Variants in RHEB observed in about 807,000 individuals in gnomAD.
The protein encoded by RHEB is Ras homolog, mTORC1 binding, also known as GTP-binding protein Rheb.
RHEB carries 2 observed loss-of-function variants against 28.8 expected under a neutral mutation model. That is an observed-to-expected ratio of 0.07 (90% CI 0.03 to 0.22). The LOEUF is 0.22. Ranked by LOEUF, RHEB falls within the 10% of genes least tolerant of loss-of-function variation. The pLI is 1.00. For synonymous variants in RHEB, 69 were observed against 77.3 expected (o/e 0.89, Z 0.56); for missense variants, 76 against 219.9 (o/e 0.35, Z 4.14).
At chr7:151,492,838 A>ATTTTTTTTT (rs538597333) in intron 1 of RHEB, among the ~76,000 whole-genome samples, 1 of 125,184 alleles carries the variant, frequency 8.0e-6, no homozygotes, top group Admixed American at 8.9e-5. Context: ...AATTCTCAAC[A>ATTTTTTTTT]TTTTTTTTTT....
chr7:151,470,412 G>A (rs1272696429), intron 7 of RHEB, 159 bp downstream of exon 7: 3 of 530,794 alleles, frequency 5.7e-6, no homozygotes, highest in Non-Finnish European at 6.9e-6. Flanking sequence ...CACCTAAGTA[G>A]TATCTTCCTA....
At position 151,499,742 on chromosome 7, in the gene RHEB, C is replaced by G. The variant is rs74823889; in HGVS notation, c.53-8728G>C. On this transcript the variant is annotated intron_variant, in intron 1 of 7. Transcript: ENST00000262187. ...TACCTGATTGAAACCTACAAGGAACCTGTAGTCTCAACAGGGAGAAAGGTA... is the reference window on the plus strand; with the variant it reads ...TACCTGATTGAAACCTACAAGGAACGTGTAGTCTCAACAGGGAGAAAGGTA... Among the ~76,000 whole-genome samples, 128 of 152,336 alleles carry G rather than the reference C, an allele frequency of 8.4e-4. 1 individual carries two copies. The East Asian group carries it at 0.024, about 29-fold the overall frequency.
intron 1 of RHEB, chr7:151,498,004 T>A (rs1269593398): frequency 1.5e-6 from 1 of 672,524 alleles, no homozygotes; most frequent in African/African-American, 1.9e-5. Flanking sequence ...GATGCTGCAG[T>A]AGTTGGGTGC....
chr7:151,501,495 T>C (rs1480947768), intron 1 of RHEB, among the ~76,000 whole-genome samples: 1 of 152,188 alleles, frequency 6.6e-6, no homozygotes, highest in Non-Finnish European at 1.5e-5. Flanking sequence ...ACCCATTGCC[T>C]GTGGGAATGC....
intron 1 of RHEB, among the ~76,000 whole-genome samples, chr7:151,513,247 A>C (rs1234513369): frequency 6.6e-6 from 1 of 152,220 alleles, no homozygotes; most frequent in Non-Finnish European, 1.5e-5. Context: ...TTATCATGGA[A>C]TGCCTTTTTT....
At chr7:151,479,353 T>C (rs1446146111) in intron 3 of RHEB, among the ~76,000 whole-genome samples, 7 of 152,066 alleles carry the variant, frequency 4.6e-5, no homozygotes, top group Admixed American at 1.3e-4. Context: ...ATGCGTATGA[T>C]AGATGGGAGA....
chr7:151,502,228 C>CAAA (rs34312270), intron 1 of RHEB: 119 of 332,030 alleles, frequency 3.6e-4, no homozygotes, highest in Middle Eastern at 7.1e-4. Flanking sequence ...AGAGCTGTCT[C>CAAA]AAAAAAAAAA....
chr7:151,505,529 C>G (rs1011192990), intron 1 of RHEB, among the ~76,000 whole-genome samples: 1 of 152,190 alleles, frequency 6.6e-6, no homozygotes, highest in Non-Finnish European at 1.5e-5. Flanking sequence ...AGGCAGCAAC[C>G]AAAGCTCTCA....
rs569728520 is a variant in RHEB at position 151,519,518 on chromosome 7, G to T, written c.-7C>A. On this transcript the variant is annotated 5_prime_UTR_variant, in exon 1 of 8. Coordinates refer to ENST00000262187, the MANE Select transcript of RHEB (RefSeq NM_005614.4). ...GGGACTTGGACTGCGGCATCTTGGC[G>T]GCCTCCTCAGCCCCGGCCCAACCAC... 290 of 1,551,000 alleles carry T rather than the reference G, an allele frequency of 1.9e-4. 3 individuals carry two copies. The South Asian group carries it at 3.3e-3, about 17-fold the overall frequency.
At chr7:151,473,158 C>CT (rs1325522032) in intron 4 of RHEB, among the ~76,000 whole-genome samples, 1 of 152,206 alleles carries the variant, frequency 6.6e-6, no homozygotes, top group Non-Finnish European at 1.5e-5. Context: ...TGGAATGTCC[C>CT]TTTTGCGGTT....
At chr7:151,488,901 T>C (rs917075577) in intron 2 of RHEB, among the ~76,000 whole-genome samples, 1 of 152,216 alleles carries the variant, frequency 6.6e-6, no homozygotes, top group Non-Finnish European at 1.5e-5. Flanking sequence ...AATGTATGTA[T>C]ATATAGCTCC....
intron 1 of RHEB, among the ~76,000 whole-genome samples, chr7:151,515,098 C>T (rs1803054851): frequency 6.6e-6 from 1 of 151,054 alleles, no homozygotes; most frequent in Admixed American, 6.6e-5. Context: ...AGAAACCACC[C>T]ACATATCCAA....
At chr7:151,518,494 A>G (rs1310453874) in intron 1 of RHEB, among the ~76,000 whole-genome samples, 1 of 152,124 alleles carries the variant, frequency 6.6e-6, no homozygotes, top group Non-Finnish European at 1.5e-5. Flanking sequence ...AAGATGAACT[A>G]ATTTCTCCAG....
rs1802075231 is a variant in RHEB, at chr7:151,467,016, G to A, written c.*103C>T. 3 of 807,764 alleles carry A rather than the reference G, an allele frequency of 3.7e-6. No individual in the cohort carries two copies. The highest frequency in any genetic ancestry group is 6.3e-6 in the Non-Finnish European group (3 of 478,322). 50.0% of individuals were successfully genotyped at this position (807,764 alleles called of 1,614,324 possible). ...CTCTGACCCAAATGATATCTTTCAG[G>A]TTAACAGAAGAAAAAAGAAGCATAG... On this transcript the variant is annotated 3_prime_UTR_variant, in exon 8 of 8. Coordinates refer to ENST00000262187, the MANE Select transcript of RHEB (RefSeq NM_005614.4).
chr7:151,491,627 C>T (rs551800691), intron 1 of RHEB, among the ~76,000 whole-genome samples: 124 of 151,998 alleles, frequency 8.2e-4, no homozygotes, highest in Non-Finnish European at 1.5e-3. Flanking sequence ...ATCCCAGCTA[C>T]TTGGGAGGCT....
intron 1 of RHEB, among the ~76,000 whole-genome samples, chr7:151,508,496 A>G (rs558408519): frequency 4.6e-5 from 7 of 152,336 alleles, no homozygotes; most frequent in African/African-American, 1.7e-4. Context: ...CAAATGTACA[A>G]ATATCAACAA....
intron 4 of RHEB, 60 bp downstream of exon 4, chr7:151,477,273 A>G: frequency 2.1e-6 from 2 of 974,702 alleles, no homozygotes; most frequent in Non-Finnish European, 3.3e-6. Context: ...ACAGTCCCTT[A>G]AAAGGATCAA....
chr7:151,471,322 A>G lies in RHEB; in HGVS notation c.380+72T>C. On this transcript the variant is annotated intron_variant, in intron 6 of 7. Transcript: ENST00000262187. ...TGCTACAGCTAAAAATATTCTTGAC[A>G]TCAGAACAATAATTAAAATGATACT... 4 of 999,622 alleles carry G rather than the reference A, an allele frequency of 4.0e-6. No homozygotes were observed. The South Asian group carries it at 5.7e-5, about 14-fold the overall frequency. The allele number at this position is 999,622 out of a possible 1,614,324, so 61.9% of individuals were successfully genotyped here.
intron 3 of RHEB, among the ~76,000 whole-genome samples, chr7:151,481,654 T>A (rs923853928): frequency 6.6e-6 from 1 of 152,248 alleles, no homozygotes. Context: ...ACATCTTTAA[T>A]TTATTGTCTC....
Sources: gnomAD v4.1 joint callset for allele counts (sites outside exome capture counted in the v4.1 genomes callset) on GRCh38, gnomAD v4.1.1 for gene constraint, MANE v1.5 for transcripts, NCBI Gene and HGNC (gene_info 2026-07-23, HGNC 2026-07-21) for gene names.